Variants in NECAB2 observed in about 807,000 individuals in gnomAD.
The protein encoded by NECAB2 is N-terminal EF-hand calcium-binding protein 2.
NECAB2 carries 68 observed loss-of-function variants against 51.9 expected under a neutral mutation model. That is an observed-to-expected ratio of 1.31 (90% CI 1.08 to 1.60). NECAB2 has a LOEUF of 1.60. NECAB2 is among the 40% of genes most tolerant of loss of function. NECAB2 has a pLI of 0.00. For missense variants in NECAB2, 854 were observed against 490.3 expected (o/e 1.74, Z -7.00); for synonymous variants, 329 against 203.5 (o/e 1.62, Z -5.25).
At chr16:83,977,788 C>A (rs919024804) in intron 2 of NECAB2, among the ~76,000 whole-genome samples, 14 of 152,202 alleles carry the variant, frequency 9.2e-5, no homozygotes, top group African/African-American at 3.1e-4. Flanking sequence ...AGGGAAGGAC[C>A]TGAAGTTTGC....
chr16:83,979,493 C>T (rs899135520), intron 3 of NECAB2, among the ~76,000 whole-genome samples: 1 of 152,160 alleles, frequency 6.6e-6, no homozygotes, highest in Non-Finnish European at 1.5e-5. Flanking sequence ...AGATACCATC[C>T]TCTGGGAAAG....
At chr16:83,996,435 C>G (rs116944098) in intron 8 of NECAB2, among the ~76,000 whole-genome samples, 13 of 152,184 alleles carry the variant, frequency 8.5e-5, no homozygotes, top group Admixed American at 4.6e-4. Context: ...CAGACTCATC[C>G]ACCTGCTGCT....
At position 83,998,245 on chromosome 16, in the gene NECAB2, A is replaced by G. The variant is rs2084748242; in HGVS notation, c.890A>G (p.Glu297Gly). The G allele has an allele frequency of 1.2e-6, 2 of 1,612,558 alleles. No homozygotes were observed. Among genetic ancestry groups the G allele is most frequent in the South Asian group, 2.2e-5 (2 of 91,074 alleles). The change falls in exon 10 of 13, where the codon GAG becomes GGG. Residue 297 changes from glutamate (E) to glycine (G), a missense_variant. Coordinates refer to ENST00000305202, the MANE Select transcript of NECAB2 (RefSeq NM_019065.3). The stretch of plus-strand genomic sequence containing the variant: ...CGGCAGGAGATGGCCGTGTGCCCCG[A>G]GCAACTGAGCGAGTTTCTGGACTCT... ...LVRQEMAVCP[E>G]QLSEFLDSLR...
intron 5 of NECAB2, among the ~76,000 whole-genome samples, chr16:83,985,527 G>C (rs188702780): frequency 2.0e-5 from 3 of 151,044 alleles, no homozygotes; most frequent in African/African-American, 7.3e-5. Context: ...CAGCTACTTG[G>C]GAGAGTGAGG....
In NECAB2 at chr16:83,994,322, G is replaced by C. The variant is rs111637552; in HGVS notation, c.617G>C (p.Ser206Thr). The stretch of plus-strand genomic sequence containing the variant: ...TGCAGACAGAACCACATCAAACCCA[G>C]CCACAGCGCGGCACAGACCTGGTGT... ...SQLRQNHIKP[S>T]HSAAQTWCGS... Residue 206 changes from serine to threonine, a missense_variant, in exon 7 of 13, where the codon AGC becomes ACC. Coordinates refer to ENST00000305202, the MANE Select transcript of NECAB2 (RefSeq NM_019065.3). 2 of 1,614,192 alleles carry C rather than the reference G, an allele frequency of 1.2e-6. No homozygotes were observed. Among genetic ancestry groups the C allele is most frequent in the East Asian group, 4.5e-5 (2 of 44,884 alleles).
chr16:84,002,330 C>A lies in NECAB2; in HGVS notation c.1145C>A (p.Thr382Lys), dbSNP rs760068599. ...TCTCTCCTTTTAGCTGCTTGGTGCA[C>A]GGTGGGACGGGACTGACAGCCTCCC... ...SRILVPAAWC[T>K]VGRD The change falls in exon 13 of 13, where the codon ACG becomes AAG. Residue 382 changes from threonine (T) to lysine (K), a missense_variant. Thr to Lys is a moderately conservative substitution (Grantham distance 78, BLOSUM62 -1). Coordinates refer to ENST00000305202, the MANE Select transcript of NECAB2 (RefSeq NM_019065.3). The A allele has an allele frequency of 6.2e-7, 1 of 1,613,942 alleles. No individual in the cohort carries two copies. Among genetic ancestry groups the A allele is most frequent in the East Asian group, 2.2e-5 (1 of 44,858 alleles).
chr16:83,994,950 C>T (rs1415609551), intron 8 of NECAB2, among the ~76,000 whole-genome samples: 5 of 152,154 alleles, frequency 3.3e-5, no homozygotes, highest in Admixed American at 1.3e-4. Flanking sequence ...GCAGCAGGAG[C>T]AGCTCCAGGA....
rs2084313836 is a variant in NECAB2, at chr16:83,968,596, G to A, written c.-53G>A. 2 of 970,170 alleles carry A rather than the reference G, an allele frequency of 2.1e-6. No homozygotes were observed. The highest frequency in any genetic ancestry group is 2.4e-6 in the Non-Finnish European group (2 of 819,632). 60.1% of individuals were successfully genotyped at this position (970,170 alleles called of 1,614,324 possible). A position where few individuals can be genotyped will look rare whatever the true frequency, so the allele number is the denominator to read the frequency against. On this transcript the variant is annotated 5_prime_UTR_variant, in exon 1 of 13. Coordinates refer to ENST00000305202, the MANE Select transcript of NECAB2 (RefSeq NM_019065.3). The stretch of plus-strand genomic sequence containing the variant: ...GGAGGGGGTCGCGCGGGGGCGGGCC[G>A]CAGCTGGGCGGGGGTCGGCGGGCTT...
rs750941524 is a variant in NECAB2, at chr16:83,990,619, C to T, written c.585C>T (p.Thr195=). 5.7e-5 allele frequency: 92 copies of T among 1,613,926 alleles called. No individual in the cohort carries two copies. The highest frequency in any genetic ancestry group is 4.9e-4 in the Middle Eastern group (3 of 6,082). ...CGGTGGAGGCCATCGAGGAACAGAC[C>T]AGCCAGCTCCGGTGAGTCTCTGAGA... The part of the protein sequence containing the change: ...ESAVEAIEEQ[T]SQLRQNHIKP... The change falls in exon 6 of 13, where the codon ACC becomes ACT. Residue 195 remains threonine, a synonymous_variant. Coordinates refer to ENST00000305202, the MANE Select transcript of NECAB2 (RefSeq NM_019065.3).
chr16:84,001,148 C>T (rs1005787328), intron 11 of NECAB2, among the ~76,000 whole-genome samples: 3 of 152,126 alleles, frequency 2.0e-5, no homozygotes, highest in Admixed American at 6.5e-5. Flanking sequence ...GTGACTCAGT[C>T]CCCATGTGAT....
At chr16:83,965,297 G>A (rs376605145), upstream of NECAB2, 48 of 1,598,870 alleles carry the variant, frequency 3.0e-5, no homozygotes, top group Middle Eastern at 1.7e-4. Flanking sequence ...GGCCCGCAAC[G>A]TGGTCCTCGC....
At chr16:83,997,347 G>A in intron 9 of NECAB2, 78 bp downstream of exon 9, 1 of 1,576,466 alleles carries the variant, frequency 6.3e-7, no homozygotes. Flanking sequence ...GTGGCTCAAT[G>A]CCCCTGACCC....
rs766012752 is a variant in NECAB2, at chr16:83,990,596, G to A, written c.562G>A (p.Val188Met). The change falls in exon 6 of 13, where the codon GTG becomes ATG. Residue 188 changes from valine (V) to methionine (M), a missense_variant. Coordinates refer to ENST00000305202, the MANE Select transcript of NECAB2 (RefSeq NM_019065.3). The stretch of plus-strand genomic sequence containing the variant: ...GCTGCTGAGCTCAGTGGAGAGTGCG[G>A]TGGAGGCCATCGAGGAACAGACCAG... ...QSLLSSVESA[V>M]EAIEEQTSQL... 3 of 1,614,048 alleles carry A rather than the reference G, an allele frequency of 1.9e-6. No individual in the cohort carries two copies. Among genetic ancestry groups the A allele is most frequent in the Admixed American group, 1.7e-5 (1 of 60,010 alleles).
chr16:84,002,367 G>A lies in NECAB2; in HGVS notation c.*21G>A. 2.5e-6 allele frequency: 4 copies of A among 1,613,108 alleles called. No homozygotes were observed. The highest frequency in any genetic ancestry group is 3.4e-6 in the Non-Finnish European group (4 of 1,179,466). On this transcript the variant is annotated 3_prime_UTR_variant, in exon 13 of 13. Coordinates refer to ENST00000305202, the MANE Select transcript of NECAB2 (RefSeq NM_019065.3). Reference sequence around the variant, plus strand: ...ACTGACAGCCTCCCAGAGGCCCGTGGAGGAGCCCACCAGCCCCTTCTTCTT... The same window carrying A: ...ACTGACAGCCTCCCAGAGGCCCGTGAAGGAGCCCACCAGCCCCTTCTTCTT...
At chr16:83,995,819 G>A (rs2084690257) in intron 8 of NECAB2, among the ~76,000 whole-genome samples, 1 of 152,240 alleles carries the variant, frequency 6.6e-6, no homozygotes, top group Non-Finnish European at 1.5e-5. Context: ...GGATGAGGCT[G>A]AGGTGGAGTT....
At chr16:83,972,767 T>G (rs1404227475) in intron 2 of NECAB2, among the ~76,000 whole-genome samples, 1 of 152,170 alleles carries the variant, frequency 6.6e-6, no homozygotes, top group African/African-American at 2.4e-5. Flanking sequence ...CGCCTTGTTG[T>G]GGCCACGGAA....
At chr16:83,997,477 AC>A (rs2084726904) in intron 9 of NECAB2, among the ~76,000 whole-genome samples, 6 of 82,420 alleles carry the variant, frequency 7.3e-5, no homozygotes, top group East Asian at 3.9e-4. Context: ...GGCTCCCTGG[AC>A]CTTTTTTTTT....
At chr16:83,971,409 G>C (rs1299767534) in intron 1 of NECAB2, 1 of 152,214 alleles carries the variant, frequency 6.6e-6, no homozygotes, top group South Asian at 2.1e-4. Context: ...AGCTGCCTTC[G>C]AGCCTCAGCC....
chr16:83,980,408 C>G (rs972659291), intron 3 of NECAB2, among the ~76,000 whole-genome samples: 7 of 152,126 alleles, frequency 4.6e-5, no homozygotes, highest in African/African-American at 1.7e-4. Context: ...GCGACCAGAA[C>G]AGGAAGGGCT....
Sources: allele counts gnomAD v4.1 joint callset (sites outside exome capture counted in the v4.1 genomes callset), GRCh38; gene constraint gnomAD v4.1.1; transcripts MANE v1.5; gene names NCBI Gene and HGNC (gene_info 2026-07-23, HGNC 2026-07-21).